The following PDE4D variants were observed in gnomAD, a reference collection of about 807,000 sequenced individuals.
PDE4D encodes 3',5'-cyclic-AMP phosphodiesterase 4D.
PDE4D carries 24 observed loss-of-function variants against 87.4 expected under a neutral mutation model. That is an observed-to-expected ratio of 0.27 (90% CI 0.20 to 0.39). The LOEUF is 0.39. Ranked by LOEUF, PDE4D falls within the 10% of genes least tolerant of loss-of-function variation. The probability of loss-of-function intolerance (pLI) is 1.00; values close to 1 mark genes in which losing one functional copy is unlikely to be tolerated. For synonymous variants in PDE4D, 384 were observed against 383.2 expected, an observed-to-expected ratio of 1.00 and a Z score of -0.02; for missense variants, 714 against 1,041.0, an observed-to-expected ratio of 0.69 and a Z score of 4.32.
intron 1 of PDE4D, among the ~76,000 whole-genome samples, chr5:60,440,952 A>T (rs1745156459): frequency 6.6e-6 from 1 of 152,134 alleles, no homozygotes; most frequent in East Asian, 1.9e-4. Context: ...TTAAACATGT[A>T]GGAAATTAAC....
intron 1 of PDE4D, among the ~76,000 whole-genome samples, chr5:60,474,390 C>T (rs960988154): frequency 2.6e-5 from 4 of 151,482 alleles, no homozygotes; most frequent in Non-Finnish European, 5.9e-5. Flanking sequence ...CTAATCACCT[C>T]CCAAACCCCC....
chr5:59,277,505 T>C (rs1218928406), intron 1 of PDE4D, among the ~76,000 whole-genome samples: 2 of 152,154 alleles, frequency 1.3e-5, no homozygotes. Flanking sequence ...AGGAAGAGGT[T>C]TAATTTTTTT....
chr5:59,382,037 G>A (rs1457398124), intron 1 of PDE4D, among the ~76,000 whole-genome samples: 2 of 152,066 alleles, frequency 1.3e-5, no homozygotes, highest in Non-Finnish European at 2.9e-5. Context: ...CATGCCTGGA[G>A]CTGCCCTTCT....
At position 58,994,907 on chromosome 5, in the gene PDE4D, T is replaced by TC. The variant is rs1161856528; in HGVS notation, c.922-1443dup. Among the ~76,000 whole-genome samples, 9 of 83,454 alleles carry TC rather than the reference T, an allele frequency of 1.1e-4. 1 individual carries two copies. Among genetic ancestry groups the TC allele is most frequent in the Non-Finnish European group, 1.6e-4 (7 of 44,248 alleles). 54.7% of individuals were successfully genotyped at this position (83,454 alleles called of 152,430 possible). ...TGGGTGTATCTCCTAATGCTTTCCC[T>TC]CCCCCCTCCCCCCACCCCACAACAA... On this transcript the variant is annotated intron_variant, in intron 6 of 14. Coordinates refer to ENST00000340635, the MANE Select transcript of PDE4D (RefSeq NM_001104631.2).
chr5:59,203,835 A>T (rs563661212), intron 2 of PDE4D, among the ~76,000 whole-genome samples: 4 of 152,274 alleles, frequency 2.6e-5, no homozygotes, highest in Non-Finnish European at 2.9e-5. Flanking sequence ...GTTCCCAGGG[A>T]CTGGAGCAGG....
chr5:59,906,868 C>A (rs1752878258), intron 3 of PDE4D, among the ~76,000 whole-genome samples: 1 of 152,082 alleles, frequency 6.6e-6, no homozygotes. Context: ...ACCTAGCAAA[C>A]CCACAACTGG....
intron 3 of PDE4D, among the ~76,000 whole-genome samples, chr5:59,905,106 T>G (rs894255197): frequency 2.0e-5 from 3 of 152,244 alleles, no homozygotes; most frequent in Non-Finnish European, 4.4e-5. Flanking sequence ...TGAACCATTA[T>G]TTTCCTCAGC....
chr5:60,323,820 G>C (rs1756528485), intron 1 of PDE4D, among the ~76,000 whole-genome samples: 1 of 138,340 alleles, frequency 7.2e-6, no homozygotes, highest in South Asian at 2.1e-4. Context: ...TCAGTTCTCG[G>C]AATTTCAGTG....
intron 5 of PDE4D, among the ~76,000 whole-genome samples, chr5:59,089,171 T>A (rs762762644): frequency 7.2e-5 from 11 of 152,002 alleles, no homozygotes; most frequent in Non-Finnish European, 1.2e-4. Flanking sequence ...ATTTATACAT[T>A]TTTGTTGTTG....
At chr5:59,697,407 C>T (rs1751939631) in intron 1 of PDE4D, among the ~76,000 whole-genome samples, 1 of 152,132 alleles carries the variant, frequency 6.6e-6, no homozygotes, top group Admixed American at 6.6e-5. Flanking sequence ...GAACCTGAGA[C>T]CTGAAGGGCA....
chr5:59,656,817 C>A (rs987776080), intron 1 of PDE4D, among the ~76,000 whole-genome samples: 1 of 152,188 alleles, frequency 6.6e-6, no homozygotes, highest in Non-Finnish European at 1.5e-5. Context: ...AGACACTCTT[C>A]AGTTTTAGCA....
chr5:60,422,561 G>A (rs958974407), intron 1 of PDE4D, among the ~76,000 whole-genome samples: 2 of 152,118 alleles, frequency 1.3e-5, no homozygotes, highest in Non-Finnish European at 2.9e-5. Context: ...ACATGGAAAG[G>A]AACAACTGGT....
intron 1 of PDE4D, among the ~76,000 whole-genome samples, chr5:60,416,324 T>G (rs771883243): frequency 6.6e-6 from 1 of 152,236 alleles, no homozygotes; most frequent in Non-Finnish European, 1.5e-5. Flanking sequence ...GGCAACCTGC[T>G]GGGGTCCCCT....
intron 1 of PDE4D, among the ~76,000 whole-genome samples, chr5:60,408,086 G>C (rs1420310129): frequency 1.3e-5 from 2 of 152,126 alleles, no homozygotes; most frequent in East Asian, 3.9e-4. Flanking sequence ...GAGCCATCCT[G>C]ATCACCAGAC....
chr5:59,904,821 AT>A (rs1327276006), intron 3 of PDE4D, among the ~76,000 whole-genome samples: 1 of 152,132 alleles, frequency 6.6e-6, no homozygotes, highest in Non-Finnish European at 1.5e-5. Context: ...TGAATAATAC[AT>A]TTTTTTAAAT....
intron 1 of PDE4D, among the ~76,000 whole-genome samples, chr5:60,307,837 T>C (rs1754643617): frequency 6.6e-6 from 1 of 152,158 alleles, no homozygotes; most frequent in Admixed American, 6.5e-5. Context: ...AGCCTATAGT[T>C]TGCAACCAGC....
intron 3 of PDE4D, among the ~76,000 whole-genome samples, chr5:59,951,536 G>A (rs1205260256): frequency 6.6e-6 from 1 of 152,180 alleles, no homozygotes. Flanking sequence ...CTTTGTGAAA[G>A]ATTCATGATG....
chr5:60,175,445 G>A (rs1783826278), intron 2 of PDE4D, among the ~76,000 whole-genome samples: 1 of 151,860 alleles, frequency 6.6e-6, no homozygotes, highest in African/African-American at 2.4e-5. Context: ...TATCTCTTCG[G>A]AGTGCTTTCT....
At chr5:60,077,031 C>T (rs897632600) in intron 2 of PDE4D, among the ~76,000 whole-genome samples, 1 of 152,120 alleles carries the variant, frequency 6.6e-6, no homozygotes, top group Non-Finnish European at 1.5e-5. Flanking sequence ...AGACTGTGGA[C>T]CCTCTGTGTG....
Sources: gnomAD v4.1 joint callset for allele counts (sites outside exome capture counted in the v4.1 genomes callset) on GRCh38, gnomAD v4.1.1 for gene constraint, MANE v1.5 for transcripts, NCBI Gene and HGNC (gene_info 2026-07-23, HGNC 2026-07-21) for gene names.